SLC4A4: variants seen among roughly 807,000 people sequenced by gnomAD.
SLC4A4 encodes the protein electrogenic sodium bicarbonate cotransporter 1.
SLC4A4 carries 27 observed loss-of-function variants against 111.5 expected under a neutral mutation model. The observed-to-expected ratio is 0.24, with a 90% CI of 0.18 to 0.33. The LOEUF (loss-of-function observed/expected upper bound fraction) is 0.33. SLC4A4 is among the 10% of genes least tolerant of loss of function. The pLI is 1.00. For synonymous variants in SLC4A4, 443 were observed against 463.4 expected (o/e 0.96, Z 0.57); for missense variants, 909 against 1,315.5 (o/e 0.69, Z 4.78).
intron 16 of SLC4A4, among the ~76,000 whole-genome samples, chr4:71,521,993 A>G (rs925833473): frequency 5.9e-5 from 9 of 151,822 alleles, no homozygotes; most frequent in African/African-American, 1.2e-4. Context: ...GCCACTAGCA[A>G]TCCCTCAGTA....
chr4:71,243,664 G>T (rs945951360), intron 2 of SLC4A4, among the ~76,000 whole-genome samples: 1 of 152,188 alleles, frequency 6.6e-6, no homozygotes, highest in African/African-American at 2.4e-5. Context: ...AAAGGTGAAG[G>T]TAGTGAGGGT....
chr4:71,196,367 A>G (rs1746000799), intron 1 of SLC4A4, among the ~76,000 whole-genome samples: 1 of 152,198 alleles, frequency 6.6e-6, no homozygotes, highest in Admixed American at 6.5e-5. Context: ...GAAGGCGGAT[A>G]GGAAATGTCT....
At chr4:71,509,206 C>T (rs1389686269) in intron 16 of SLC4A4, among the ~76,000 whole-genome samples, 2 of 152,118 alleles carry the variant, frequency 1.3e-5, no homozygotes, top group Non-Finnish European at 2.9e-5. Flanking sequence ...ACAAAGATGC[C>T]CTGTCTCACC....
chr4:71,326,463 CAGGG>C (rs1560412031), intron 3 of SLC4A4, among the ~76,000 whole-genome samples: 1 of 151,982 alleles, frequency 6.6e-6, no homozygotes, highest in Admixed American at 6.6e-5. Context: ...CATGGGTTCT[CAGGG>C]AGGACTGCTT....
Position 71,195,243 on chromosome 4 carries a change from T to TTG in SLC4A4, c.-2+7843_-2+7844insGT, listed in dbSNP as rs1553961257. 3.1e-3 allele frequency among the ~76,000 whole-genome samples: 464 copies of TTG among 148,780 alleles called. 2 individuals carry two copies. Among genetic ancestry groups the TTG allele is most frequent in the African/African-American group, 0.011 (435 of 40,582 alleles). ...TCCTGTATTTGAGTTTTTTTTTTTTTTTTTTTTTTTTTAAAGAGCTTATGG... is the reference window on the plus strand; with the variant it reads ...TCCTGTATTTGAGTTTTTTTTTTTTTTGTTTTTTTTTTTTAAAGAGCTTATGG... On this transcript the variant is annotated intron_variant, in intron 1 of 25. Coordinates refer to ENST00000264485, the MANE Select transcript of SLC4A4 (RefSeq NM_001098484.3).
intron 22 of SLC4A4, among the ~76,000 whole-genome samples, chr4:71,559,290 A>G (rs1313935361): frequency 6.6e-6 from 1 of 151,876 alleles, no homozygotes; most frequent in Admixed American, 6.6e-5. Context: ...TTCAGAAGTT[A>G]TTCTTCAAGA....
At chr4:71,311,091 CAAAG>C (rs1308467339) in intron 3 of SLC4A4, among the ~76,000 whole-genome samples, 1 of 152,100 alleles carries the variant, frequency 6.6e-6, no homozygotes, top group Non-Finnish European at 1.5e-5. Flanking sequence ...TCAAAAAAGA[CAAAG>C]AAGGGCATTA....
Position 71,214,120 on chromosome 4 carries a change from G to GA in SLC4A4, c.-1-22454dup, listed in dbSNP as rs796817953. 1.2e-4 allele frequency among the ~76,000 whole-genome samples: 19 copies of GA among 152,250 alleles called. 1 individual carries two copies. Among genetic ancestry groups the GA allele is most frequent in the African/African-American group, 4.6e-4 (19 of 41,552 alleles). The stretch of plus-strand genomic sequence containing the variant: ...CAGATGTACTGGGGTTTTGTGTGGA[G>GA]AACTGAACTGTGCACAGGCTACACC... On this transcript the variant is annotated intron_variant, in intron 1 of 25. Coordinates refer to ENST00000264485, the MANE Select transcript of SLC4A4 (RefSeq NM_001098484.3).
chr4:71,384,917 T>A (rs1578976288), intron 6 of SLC4A4, among the ~76,000 whole-genome samples: 1 of 151,404 alleles, frequency 6.6e-6, no homozygotes, highest in Non-Finnish European at 1.5e-5. Flanking sequence ...TTAGGAGAAA[T>A]ACCTAATGTA....
At chr4:71,248,873 A>G (rs970187860) in intron 2 of SLC4A4, among the ~76,000 whole-genome samples, 3 of 152,206 alleles carry the variant, frequency 2.0e-5, no homozygotes, top group Non-Finnish European at 4.4e-5. Flanking sequence ...TTTATTAAAA[A>G]TGAGCTCTTG....
intron 2 of SLC4A4, among the ~76,000 whole-genome samples, chr4:71,253,149 T>G (rs900358760): frequency 1.3e-5 from 2 of 152,284 alleles, no homozygotes; most frequent in South Asian, 4.2e-4. Context: ...ACCACTTATG[T>G]GATAATGACA....
In SLC4A4 at chr4:71,534,094, A is replaced by G. The variant is rs1734181836; in HGVS notation, c.2281-133A>G. On this transcript the variant is annotated intron_variant, in intron 17 of 25. Coordinates refer to ENST00000264485, the MANE Select transcript of SLC4A4 (RefSeq NM_001098484.3). The stretch of plus-strand genomic sequence containing the variant: ...TTTTGGTGAATAATCTTCATTCTCT[A>G]GCTCATAACTGTTTATATTTCTCAA... 4.0e-6 allele frequency: 3 copies of G among 745,432 alleles called. No individual in the cohort carries two copies. The South Asian group carries it at 4.8e-5, about 12-fold the overall frequency. The allele number at this position is 745,432 out of a possible 1,614,324, so 46.2% of individuals were successfully genotyped here.
At chr4:71,539,971 G>C (rs945179517) in intron 18 of SLC4A4, among the ~76,000 whole-genome samples, 2 of 152,156 alleles carry the variant, frequency 1.3e-5, no homozygotes, top group South Asian at 4.1e-4. Context: ...TCAAAGCCCT[G>C]TTTAGATGTC....
intron 6 of SLC4A4, among the ~76,000 whole-genome samples, chr4:71,396,981 A>G (rs772549118): frequency 6.6e-6 from 1 of 152,234 alleles, no homozygotes; most frequent in Non-Finnish European, 1.5e-5. Context: ...TGATAACACT[A>G]CATTGAGGCA....
At chr4:71,263,012 C>G (rs145030938) in intron 3 of SLC4A4, among the ~76,000 whole-genome samples, 2 of 133,896 alleles carry the variant, frequency 1.5e-5, no homozygotes, top group Admixed American at 7.6e-5. Flanking sequence ...ATCCCTCCCC[C>G]CTCCCCCCAC....
chr4:71,444,723 G>T (rs1257970678), intron 8 of SLC4A4, among the ~76,000 whole-genome samples: 1 of 152,204 alleles, frequency 6.6e-6, no homozygotes, highest in African/African-American at 2.4e-5. Flanking sequence ...TTCAGGCAGA[G>T]GGAACTTCAA....
intron 8 of SLC4A4, among the ~76,000 whole-genome samples, chr4:71,443,116 C>CTCTATATATA (rs1198759861): frequency 4.4e-4 from 29 of 65,646 alleles, no homozygotes; most frequent in East Asian, 1.1e-3. Flanking sequence ...CTCTCTCTCT[C>CTCTATATATA]TATATATATA....
At chr4:71,100,627 T>C (rs531146631) in intron 2 of SLC4A4, among the ~76,000 whole-genome samples, 2 of 152,216 alleles carry the variant, frequency 1.3e-5, no homozygotes, top group Admixed American at 6.5e-5. Flanking sequence ...AAAGAAAAGA[T>C]ATCCAAATAG....
chr4:71,215,838 C>T (rs1325297484), intron 1 of SLC4A4, among the ~76,000 whole-genome samples: 1 of 151,622 alleles, frequency 6.6e-6, no homozygotes, highest in Admixed American at 6.6e-5. Flanking sequence ...ATGCATTGTA[C>T]AGAGTCAGTT....
Sources: allele counts gnomAD v4.1 joint callset (sites outside exome capture counted in the v4.1 genomes callset), GRCh38; gene constraint gnomAD v4.1.1; transcripts MANE v1.5; gene names NCBI Gene and HGNC (gene_info 2026-07-23, HGNC 2026-07-21).